DBF4: variants seen among roughly 807,000 people sequenced by gnomAD.
The protein encoded by DBF4 is DBF4-CDC7 kinase regulatory subunit, also known as protein DBF4 homolog A.
In DBF4, 25 loss-of-function variants were observed where a neutral mutation model predicts 76.6. The ratio of observed to expected loss-of-function variants is 0.33; its 90% CI spans 0.24 to 0.46. The LOEUF is 0.46. Among genes scored for constraint, DBF4 ranks in the 20% least tolerant of loss-of-function variants. DBF4 has a pLI of 1.00. For missense variants in DBF4, 638 were observed against 760.8 expected, an observed-to-expected ratio of 0.84 and a Z score of 1.90; for synonymous variants, 213 against 258.0, an observed-to-expected ratio of 0.83 and a Z score of 1.67.
rs78505039 is a variant in DBF4, at chr7:87,896,475, G to T, written c.599G>T (p.Gly200Val). ...KKSSTSVRDG[G>V]KRVGSGAQKT... is the part of the protein sequence containing the mutation. Reference sequence around the variant, plus strand: ...TTTTCACTATATATTTTTTTTTAGGGCAAAAGAGTTGGTAGTGGTGCACAA... The same window carrying T: ...TTTTCACTATATATTTTTTTTTAGGTCAAAAGAGTTGGTAGTGGTGCACAA... Residue 200 changes from glycine to valine, a missense_variant and splice_region_variant, in exon 7 of 12, where the codon GGC becomes GTC. Gly to Val is a moderately radical substitution (Grantham distance 109). Transcript: ENST00000265728. The T allele has an allele frequency of 1.2e-6, 2 of 1,609,842 alleles. No homozygotes were observed. Among genetic ancestry groups the T allele is most frequent in the South Asian group, 2.2e-5 (2 of 90,460 alleles).
rs374534243 is a variant in DBF4 at position 87,881,434 on chromosome 7, C to A, written c.219+3209C>A. ...AAGAAAAATAAAATAAAAAATGAAT[C>A]CTTATGTCCATCCCATCCTCATGTT... On this transcript the variant is annotated intron_variant, in intron 2 of 11. Transcript: ENST00000265728. Among the ~76,000 whole-genome samples the A allele has an allele frequency of 6.6e-5, 10 of 152,054 alleles. No individual in the cohort carries two copies. The East Asian group carries it at 1.7e-3, about 26-fold the overall frequency.
rs550767623 is a variant in DBF4, at chr7:87,898,217, AGT to A, written c.680+881_680+882del. Reference sequence around the variant, plus strand: ...TGGGTACTCACACTGAGGCGACAAAAGTGTATTGAAAACTGCTTTTTATGAAA... The same window carrying A: ...TGGGTACTCACACTGAGGCGACAAAAGTATTGAAAACTGCTTTTTATGAAA... On this transcript the variant is annotated intron_variant, in intron 8 of 11. Coordinates refer to ENST00000265728, the MANE Select transcript of DBF4 (RefSeq NM_006716.4). 5.3e-5 allele frequency among the ~76,000 whole-genome samples: 8 copies of A among 152,340 alleles called. No individual in the cohort carries two copies. The South Asian group carries it at 1.7e-3, about 32-fold the overall frequency.
intron 8 of DBF4, 25 bp downstream of exon 8, chr7:87,897,364 T>C (rs180923213): frequency 6.2e-7 from 1 of 1,606,742 alleles, no homozygotes; most frequent in African/African-American, 1.3e-5. Context: ...CCAATCTGTA[T>C]GATTTAAGTG....
chr7:87,888,697 T>A (rs967350993), intron 6 of DBF4, among the ~76,000 whole-genome samples: 3 of 152,206 alleles, frequency 2.0e-5, no homozygotes, highest in Non-Finnish European at 4.4e-5. Context: ...AGTTCTCAGA[T>A]CTCTACTTTT....
chr7:87,884,449 A>G (rs746443706), intron 2 of DBF4, among the ~76,000 whole-genome samples: 9 of 152,220 alleles, frequency 5.9e-5, no homozygotes, highest in Non-Finnish European at 1.0e-4. Flanking sequence ...GCTGCTTTAG[A>G]TCATGGGCTT....
intron 7 of DBF4, 58 bp from the exon 8 acceptor site, chr7:87,897,236 A>T (rs1024534689): frequency 7.8e-5 from 53 of 681,690 alleles, no homozygotes; most frequent in Middle Eastern, 3.0e-4. Flanking sequence ...TAGTTTTATT[A>T]AAAAAAAAAA....
At position 87,904,335 on chromosome 7, in the gene DBF4, A is replaced by G. The variant is rs926128534; in HGVS notation, c.968A>G (p.Gln323Arg). The G allele has an allele frequency of 1.9e-6, 3 of 1,613,934 alleles. No individual in the cohort carries two copies. Among genetic ancestry groups the G allele is most frequent in the Non-Finnish European group, 2.5e-6 (3 of 1,179,896 alleles). Residue 323 changes from glutamine (Q) to arginine (R), a missense_variant, in exon 11 of 12, where the codon CAG becomes CGG. By Grantham distance (43) the Gln-to-Arg change is conservative. Transcript: ENST00000265728. ...EQHRNFAQSN[Q>R]YQVVDDIVSK... is the part of the protein sequence containing the mutation. ...CACAGAAACTTTGCACAGAGTAACC[A>G]GTATCAAGTTGTTGATGATATTGTA... is the stretch of plus-strand genomic sequence containing the variant.
At chr7:87,892,679 T>A (rs150196424) in intron 6 of DBF4, among the ~76,000 whole-genome samples, 21 of 152,332 alleles carry the variant, frequency 1.4e-4, no homozygotes, top group African/African-American at 4.8e-4. Context: ...CCAAAGTAGT[T>A]GTGCCATTTT....
chr7:87,907,235 T>C lies in DBF4; in HGVS notation c.1097T>C (p.Leu366Pro), dbSNP rs568844640. The change falls in exon 12 of 12, where the codon CTG becomes CCG. Residue 366 changes from leucine (L) to proline (P), a missense_variant. Physicochemically the swap from Leu to Pro is moderately conservative, Grantham distance 98. Coordinates refer to ENST00000265728, the MANE Select transcript of DBF4 (RefSeq NM_006716.4). ...GSLSPVSASV[L>P]KKTEQKEKVE... ...CTTTCTCCTGTTTCTGCAAGTGTCC[T>C]GAAAAAGACTGAACAAAAGGAAAAA... 3 of 1,611,588 alleles carry C rather than the reference T, an allele frequency of 1.9e-6. No individual in the cohort carries two copies. In the African/African-American group the frequency reaches 4.0e-5, roughly 22 times the overall value.
rs533546324 is a variant in DBF4 at position 87,884,980 on chromosome 7, G to A, written c.221G>A (p.Arg74Gln). The change falls in exon 3 of 12, where the codon CGA (arginine) becomes CAA (glutamine). Residue 74 changes from arginine to glutamine, a missense_variant and splice_region_variant. By Grantham distance (43) the Arg-to-Gln change is conservative (BLOSUM62 1). Coordinates refer to ENST00000265728, the MANE Select transcript of DBF4 (RefSeq NM_006716.4). ...TAAAAATACTTTGTTCTCTTCTAGC[G>A]AGTTGAAGAATTTCTCAGCAAAGAT... is the stretch of plus-strand genomic sequence containing the variant. ...LQKDIKDLGG[R>Q]VEEFLSKDIS... 2.0e-5 allele frequency: 32 copies of A among 1,601,502 alleles called. No homozygotes were observed. The highest frequency in any genetic ancestry group is 2.6e-5 in the Non-Finnish European group (31 of 1,169,932).
At chr7:87,907,122 T>C (rs1839929788) in intron 11 of DBF4, 66 bp from the exon 12 acceptor site, 1 of 1,359,978 alleles carries the variant, frequency 7.4e-7, no homozygotes, top group Non-Finnish European at 9.8e-7. Flanking sequence ...ATTTAATTTC[T>C]AACTACTCAG....
rs1195207361 is a variant in DBF4, at chr7:87,907,745, T to C, written c.1607T>C (p.Ile536Thr). The change falls in exon 12 of 12, where the codon ATA (isoleucine) becomes ACA (threonine). Residue 536 changes from isoleucine to threonine, a missense_variant. Ile to Thr is a moderately conservative substitution (Grantham distance 89). Coordinates refer to ENST00000265728, the MANE Select transcript of DBF4 (RefSeq NM_006716.4). ...ACTCATGATTCTGGTCTGATAACAA[T>C]AAACAGTTCACAAGAGCACCTAACT... ...IFTHDSGLIT[I>T]NSSQEHLTVQ... The C allele has an allele frequency of 1.2e-6, 2 of 1,614,042 alleles. No individual in the cohort carries two copies. Among genetic ancestry groups the C allele is most frequent in the Non-Finnish European group, 1.7e-6 (2 of 1,179,936 alleles).
At position 87,876,544 on chromosome 7, in the gene DBF4, C is replaced by T. The variant is rs1437452154; in HGVS notation, c.-189C>T. 2 of 624,792 alleles carry T rather than the reference C, an allele frequency of 3.2e-6. No homozygotes were observed. 38.7% of individuals were successfully genotyped at this position (624,792 alleles called of 1,614,324 possible). The stretch of plus-strand genomic sequence containing the variant: ...GTTTGTGCTTTGCGCCTTCCTCCTC[C>T]GCGCCTTGGAGCCGGATCCGGCCCC... On this transcript the variant is annotated 5_prime_UTR_variant, in exon 1 of 12. Coordinates refer to ENST00000265728, the MANE Select transcript of DBF4 (RefSeq NM_006716.4).
At position 87,891,103 on chromosome 7, in the gene DBF4, A is replaced by C. The variant is rs536854244; in HGVS notation, c.597+3044A>C. On this transcript the variant is annotated intron_variant, in intron 6 of 11. Coordinates refer to ENST00000265728, the MANE Select transcript of DBF4 (RefSeq NM_006716.4). ...TTCTTATTAGTATGTATCTTATTTAAAATATGGTAATTGGATAAAGGTATT... is the reference window on the plus strand; with the variant it reads ...TTCTTATTAGTATGTATCTTATTTACAATATGGTAATTGGATAAAGGTATT... Among the ~76,000 whole-genome samples, 378 of 151,984 alleles carry C rather than the reference A, an allele frequency of 2.5e-3. 5 individuals are homozygous for C. The highest frequency in any genetic ancestry group is 4.1e-3 in the Non-Finnish European group (280 of 67,926).
In DBF4 at chr7:87,908,226, A is replaced by G. The variant is rs1201729523; in HGVS notation, c.*63A>G. 1 of 1,344,018 alleles carries G rather than the reference A, an allele frequency of 7.4e-7. No homozygotes were observed. 83.3% of individuals were successfully genotyped at this position (1,344,018 alleles called of 1,614,324 possible). On this transcript the variant is annotated 3_prime_UTR_variant, in exon 12 of 12. Transcript: ENST00000265728. Reference sequence around the variant, plus strand: ...TCATATTCTTGAAATTTTTATAAATATGTATGGAAATTCTTAGGATTTTTT... The same window carrying G: ...TCATATTCTTGAAATTTTTATAAATGTGTATGGAAATTCTTAGGATTTTTT...
intron 2 of DBF4, among the ~76,000 whole-genome samples, chr7:87,883,958 A>G (rs1839280258): frequency 6.6e-6 from 1 of 152,020 alleles, no homozygotes; most frequent in Non-Finnish European, 1.5e-5. Flanking sequence ...CCCTATTTTT[A>G]TTTTCCTGAC....
At chr7:87,891,908 C>T (rs1839502028) in intron 6 of DBF4, among the ~76,000 whole-genome samples, 1 of 152,144 alleles carries the variant, frequency 6.6e-6, no homozygotes, top group African/African-American at 2.4e-5. Flanking sequence ...TTTCTTTAAG[C>T]TTTCCTTTAG....
intron 6 of DBF4, 44 bp downstream of exon 6, chr7:87,888,103 T>C (rs1839405226): frequency 1.3e-6 from 2 of 1,521,414 alleles, no homozygotes; most frequent in Middle Eastern, 1.8e-4. Flanking sequence ...AGCTTGGTTT[T>C]TTTACTTACG....
At chr7:87,884,862 AGG>A in intron 2 of DBF4, 115 bp from the exon 3 acceptor site, 1 of 705,662 alleles carries the variant, frequency 1.4e-6, no homozygotes, top group Non-Finnish European at 2.3e-6. Flanking sequence ...ACTTGAGAAC[AGG>A]GGGTTGAGGC....
Sources: gnomAD v4.1 joint callset for allele counts (sites outside exome capture counted in the v4.1 genomes callset) on GRCh38, gnomAD v4.1.1 for gene constraint, MANE v1.5 for transcripts, NCBI Gene and HGNC (gene_info 2026-07-23, HGNC 2026-07-21) for gene names.